The following TRPC6 variants were observed in gnomAD, a reference collection of about 807,000 sequenced individuals.
TRPC6 encodes transient receptor potential cation channel subfamily C member 6.
In TRPC6, 55 loss-of-function variants were observed where a neutral mutation model predicts 90.7. The observed-to-expected ratio is 0.61, with a 90% confidence interval of 0.49 to 0.76. The LOEUF is 0.76. Ranked by LOEUF, TRPC6 falls within the 30% of genes least tolerant of loss-of-function variation. TRPC6 has a pLI of 0.00. For synonymous variants in TRPC6, 393 were observed against 393.0 expected, an observed-to-expected ratio of 1.00 and a Z score of 0.00; for missense variants, 989 against 1,122.7, an observed-to-expected ratio of 0.88 and a Z score of 1.70.
chr11:101,536,022 CTG>C (rs1044175019), intron 1 of TRPC6, among the ~76,000 whole-genome samples: 12 of 152,222 alleles, frequency 7.9e-5, no homozygotes, highest in African/African-American at 2.9e-4. Context: ...AATGGGGAAA[CTG>C]TGGGAAATAA....
intron 9 of TRPC6, 93 bp from the exon 10 acceptor site, chr11:101,469,594 C>G: frequency 1.5e-6 from 1 of 653,642 alleles, no homozygotes; most frequent in Non-Finnish European, 2.8e-6. Flanking sequence ...AATTCTCCAA[C>G]AAGTTTTAAT....
intron 1 of TRPC6, among the ~76,000 whole-genome samples, chr11:101,534,843 A>T (rs1261529262): frequency 1.3e-5 from 2 of 152,176 alleles, no homozygotes; most frequent in East Asian, 3.8e-4. Context: ...GGTTCATATA[A>T]ACCTGCAAGA....
Position 101,491,576 on chromosome 11 carries a change from T to A in TRPC6, c.1108A>T (p.Ile370Phe). The change falls in exon 3 of 13, where the codon ATT becomes TTT. Residue 370 changes from isoleucine (I) to phenylalanine (F), a missense_variant. Ile to Phe is a conservative substitution (Grantham distance 21, BLOSUM62 0). Coordinates refer to ENST00000344327, the MANE Select transcript of TRPC6 (RefSeq NM_004621.6). ...RPNLSRLKLA[I>F]KYEVKKFVAH... is the part of the protein sequence containing the mutation. ...CTTACTTTTTTTACTTCATATTTAA[T>A]GGCAAGTTTTAAACGGCTGAGATTT... is the stretch of plus-strand genomic sequence containing the variant. The A allele has an allele frequency of 1.2e-6, 2 of 1,614,022 alleles. No homozygotes were observed. Among genetic ancestry groups the A allele is most frequent in the Non-Finnish European group, 1.7e-6 (2 of 1,179,962 alleles).
chr11:101,538,455 C>A (rs575551374), intron 1 of TRPC6, among the ~76,000 whole-genome samples: 16 of 152,242 alleles, frequency 1.1e-4, no homozygotes, highest in Admixed American at 9.2e-4. Flanking sequence ...CCTTTCCTTA[C>A]CCCCTCAACC....
At chr11:101,571,551 C>G (rs1039373262) in intron 1 of TRPC6, among the ~76,000 whole-genome samples, 3 of 152,034 alleles carry the variant, frequency 2.0e-5, no homozygotes, top group Non-Finnish European at 2.9e-5. Flanking sequence ...AAAAAGAGCC[C>G]ACATAGCCAA....
chr11:101,476,221 C>A, intron 6 of TRPC6, 80 bp downstream of exon 6: 1 of 1,146,748 alleles, frequency 8.7e-7, no homozygotes, highest in Non-Finnish European at 1.3e-6. Context: ...GAGAATTGTG[C>A]AGTAACCGAA....
chr11:101,542,882 C>A (rs1861209425), intron 1 of TRPC6, among the ~76,000 whole-genome samples: 1 of 151,874 alleles, frequency 6.6e-6, no homozygotes, highest in African/African-American at 2.4e-5. Flanking sequence ...CTTAGATTAG[C>A]AAAGGTTTCA....
At chr11:101,494,917 A>G (rs1221035987) in intron 2 of TRPC6, among the ~76,000 whole-genome samples, 1 of 152,242 alleles carries the variant, frequency 6.6e-6, no homozygotes, top group Non-Finnish European at 1.5e-5. Flanking sequence ...AAATATTTTC[A>G]TATTTTCAGT....
At chr11:101,473,379 C>T (rs946941617) in intron 7 of TRPC6, 130 bp downstream of exon 7, 5 of 1,026,248 alleles carry the variant, frequency 4.9e-6, no homozygotes, top group African/African-American at 4.8e-5. Flanking sequence ...AAAATCCCCT[C>T]ATTTTGCAAA....
In TRPC6 at chr11:101,454,847, A is replaced by T. The variant is rs7121124; in HGVS notation, c.2568+171T>A. On this transcript the variant is annotated intron_variant, in intron 11 of 12. Transcript: ENST00000344327. ...CAATACTTTATTTTTTTTAACTTAT[A>T]TATCTCTGTCACTTACAAAATGCCT... is the stretch of plus-strand genomic sequence containing the variant. Among the ~76,000 whole-genome samples the T allele has an allele frequency of 0.31, 47,106 of 151,822 alleles. 9,477 individuals carry two copies. The highest frequency in any genetic ancestry group is 0.58 in the African/African-American group (23,873 of 41,376).
intron 1 of TRPC6, among the ~76,000 whole-genome samples, chr11:101,510,170 C>T (rs902351657): frequency 3.3e-5 from 5 of 152,042 alleles, no homozygotes; most frequent in African/African-American, 7.3e-5. Context: ...TTTTATGTCA[C>T]AAGTGGTGTT....
chr11:101,524,342 AG>A (rs1442966434), intron 1 of TRPC6, among the ~76,000 whole-genome samples: 1 of 152,092 alleles, frequency 6.6e-6, no homozygotes, highest in Non-Finnish European at 1.5e-5. Context: ...TCCACCACCC[AG>A]GTTCACGCCA....
chr11:101,485,571 C>A lies in TRPC6; in HGVS notation c.1294-2406G>T, dbSNP rs151290117. ...TCTCATGGGAAAATCCATTATAAAT[C>A]CTAAACTTTTTTTTTTTTAATTCTC... On this transcript the variant is annotated intron_variant, in intron 4 of 12. Coordinates refer to ENST00000344327, the MANE Select transcript of TRPC6 (RefSeq NM_004621.6). Among the ~76,000 whole-genome samples the A allele has an allele frequency of 2.0e-3, 268 of 135,672 alleles. 8 individuals are homozygous for A. In the East Asian group the frequency reaches 0.037, roughly 19 times the overall value. 89.0% of individuals were successfully genotyped at this position (135,672 alleles called of 152,430 possible).
chr11:101,578,837 ATATAT>A (rs777633373), intron 1 of TRPC6, among the ~76,000 whole-genome samples: 57 of 152,144 alleles, frequency 3.7e-4, no homozygotes, highest in Non-Finnish European at 6.2e-4. Context: ...TAATATCAAA[ATATAT>A]TATGAGTGCA....
chr11:101,533,522 A>T (rs1199967663), intron 1 of TRPC6, among the ~76,000 whole-genome samples: 1 of 152,144 alleles, frequency 6.6e-6, no homozygotes, highest in African/African-American at 2.4e-5. Flanking sequence ...AGAATTGGAG[A>T]CAACAATTCA....
chr11:101,497,964 T>C (rs1226274173), intron 2 of TRPC6, among the ~76,000 whole-genome samples: 1 of 151,858 alleles, frequency 6.6e-6, no homozygotes, highest in African/African-American at 2.4e-5. Context: ...AAAAGGTAAA[T>C]AGGTTCAAAA....
At chr11:101,543,252 G>T (rs979490156) in intron 1 of TRPC6, among the ~76,000 whole-genome samples, 1 of 152,084 alleles carries the variant, frequency 6.6e-6, no homozygotes, top group African/African-American at 2.4e-5. Flanking sequence ...TGCATTGCTG[G>T]TGGGAATGCA....
chr11:101,458,726 A>G (rs1052951693), intron 10 of TRPC6, among the ~76,000 whole-genome samples: 1 of 152,184 alleles, frequency 6.6e-6, no homozygotes, highest in Admixed American at 6.5e-5. Context: ...AAGTATGCTT[A>G]CCTTGTTTCA....
At chr11:101,500,619 T>C (rs1452680648) in intron 2 of TRPC6, among the ~76,000 whole-genome samples, 1 of 152,104 alleles carries the variant, frequency 6.6e-6, no homozygotes, top group African/African-American at 2.4e-5. Context: ...CCAGAGCCTT[T>C]TAGCAAGAGG....
Sources: allele counts gnomAD v4.1 joint callset (sites outside exome capture counted in the v4.1 genomes callset), GRCh38; gene constraint gnomAD v4.1.1; transcripts MANE v1.5; gene names NCBI Gene and HGNC (gene_info 2026-07-23, HGNC 2026-07-21).